SHISA9: variants seen among roughly 807,000 people sequenced by gnomAD.
SHISA9 encodes shisa family member 9.
A neutral mutation model predicts 38.0 loss-of-function variants in SHISA9; 13 were observed. The ratio of observed to expected loss-of-function variants is 0.34; its 90% CI spans 0.22 to 0.54. The LOEUF (loss-of-function observed/expected upper bound fraction) is 0.54. Ranked by LOEUF, SHISA9 falls within the 20% of genes least tolerant of loss-of-function variation. SHISA9 has a pLI of 0.91. For synonymous variants in SHISA9, 275 were observed against 242.0 expected (o/e 1.14, Z -1.27); for missense variants, 538 against 575.8 (o/e 0.93, Z 0.67).
chr16:13,335,283 G>A, the SHISA9 span, among the ~76,000 whole-genome samples: 75 of 152,316 alleles, frequency 4.9e-4, no homozygotes, highest in African/African-American at 1.8e-3. Context: ...GTTGAGAGGT[G>A]ACAGACACAG....
At chr16:13,463,673 T>C in the SHISA9 span, among the ~76,000 whole-genome samples, 1 of 152,230 alleles carries the variant, frequency 6.6e-6, no homozygotes, top group African/African-American at 2.4e-5. Context: ...GCAGATTCTT[T>C]ATTTCATCAT....
At chr16:13,368,279 A>G in the SHISA9 span, among the ~76,000 whole-genome samples, 3 of 152,138 alleles carry the variant, frequency 2.0e-5, no homozygotes, top group African/African-American at 7.2e-5. Flanking sequence ...GTGAGGTGAG[A>G]AAAGGGGGAT....
At chr16:13,417,107 A>T in the SHISA9 span, among the ~76,000 whole-genome samples, 2 of 152,186 alleles carry the variant, frequency 1.3e-5, no homozygotes, top group Non-Finnish European at 2.9e-5. Context: ...CACCTTTTGG[A>T]TGAATTGCTG....
intron 2 of SHISA9, among the ~76,000 whole-genome samples, chr16:12,997,530 G>A (rs1157709588): frequency 4.0e-5 from 6 of 150,410 alleles, no homozygotes; most frequent in Non-Finnish European, 5.9e-5. Context: ...CCTTAGCCTC[G>A]CCAGTAGCTG....
At chr16:13,309,951 G>A in the SHISA9 span, among the ~76,000 whole-genome samples, 19 of 152,014 alleles carry the variant, frequency 1.2e-4, no homozygotes, top group Non-Finnish European at 2.1e-4. Flanking sequence ...GCAATGGCAC[G>A]ATCTCGGCTC....
chr16:13,282,782 C>G, the SHISA9 span, among the ~76,000 whole-genome samples: 1 of 152,046 alleles, frequency 6.6e-6, no homozygotes, highest in African/African-American at 2.4e-5. Context: ...TTCTAAATTT[C>G]ACATATTGGA....
intron 2 of SHISA9, among the ~76,000 whole-genome samples, chr16:13,160,235 A>G (rs999737655): frequency 2.6e-5 from 4 of 152,124 alleles, no homozygotes; most frequent in Non-Finnish European, 5.9e-5. Flanking sequence ...ATGAAGGATT[A>G]ACATGGATAG....
chr16:13,486,827 C>G, the SHISA9 span, among the ~76,000 whole-genome samples: 2 of 152,210 alleles, frequency 1.3e-5, no homozygotes, highest in African/African-American at 2.4e-5. Context: ...GCCTCAGCCT[C>G]CAGAGTAACT....
chr16:12,914,277 C>G (rs577972258), intron 1 of SHISA9, among the ~76,000 whole-genome samples: 17 of 152,138 alleles, frequency 1.1e-4, no homozygotes, highest in African/African-American at 3.9e-4. Context: ...AACTCCTGAC[C>G]TCGTGATCTG....
At chr16:12,986,477 C>T (rs2072311220) in intron 2 of SHISA9, among the ~76,000 whole-genome samples, 1 of 152,006 alleles carries the variant, frequency 6.6e-6, no homozygotes, top group African/African-American at 2.4e-5. Flanking sequence ...TGGAAGTGTC[C>T]ATCTTGATTC....
At chr16:13,090,114 G>T (rs982304654) in intron 2 of SHISA9, among the ~76,000 whole-genome samples, 1 of 152,222 alleles carries the variant, frequency 6.6e-6, no homozygotes, top group East Asian at 1.9e-4. Flanking sequence ...GTGCAGTTTT[G>T]AGTGAGTTTC....
chr16:13,373,511 C>T, the SHISA9 span, among the ~76,000 whole-genome samples: 1 of 152,126 alleles, frequency 6.6e-6, no homozygotes, highest in African/African-American at 2.4e-5. Flanking sequence ...GCCTGTAATC[C>T]CAGCACTTTG....
At chr16:13,363,498 G>C in the SHISA9 span, among the ~76,000 whole-genome samples, 2 of 152,196 alleles carry the variant, frequency 1.3e-5, no homozygotes, top group Non-Finnish European at 2.9e-5. Context: ...GATGTCAGCA[G>C]CTGAACTGGG....
At chr16:13,555,862 G>A in the SHISA9 span, among the ~76,000 whole-genome samples, 129 of 152,272 alleles carry the variant, frequency 8.5e-4, 1 homozygote, top group South Asian at 0.021. Flanking sequence ...GTTTGGCCTG[G>A]GGAGGTAGGA....
intron 2 of SHISA9, among the ~76,000 whole-genome samples, chr16:13,144,531 A>C (rs540515250): frequency 6.6e-6 from 1 of 152,046 alleles, no homozygotes; most frequent in Non-Finnish European, 1.5e-5. Flanking sequence ...CTAGGTTCTG[A>C]GTTCTTTGGG....
intron 2 of SHISA9, among the ~76,000 whole-genome samples, chr16:13,154,557 C>G (rs1202177789): frequency 1.3e-5 from 2 of 152,108 alleles, no homozygotes; most frequent in East Asian, 1.9e-4. Flanking sequence ...AACAGAGACC[C>G]CAGGCAATGT....
chr16:13,013,238 C>T (rs1158610650), intron 2 of SHISA9, among the ~76,000 whole-genome samples: 6 of 152,190 alleles, frequency 3.9e-5, no homozygotes, highest in Admixed American at 6.5e-5. Flanking sequence ...ACCGGAATCA[C>T]GTCCTCTGCA....
intron 2 of SHISA9, among the ~76,000 whole-genome samples, chr16:13,054,176 G>C (rs149388341): frequency 6.6e-6 from 1 of 152,320 alleles, no homozygotes; most frequent in East Asian, 1.9e-4. Flanking sequence ...CTAGAACCAT[G>C]CCTGGCATTT....
chr16:13,337,522 T>C, the SHISA9 span, among the ~76,000 whole-genome samples: 75,581 of 152,114 alleles, frequency 0.5, 19,332 homozygotes, highest in East Asian at 0.8. Flanking sequence ...CAGACTAATA[T>C]GGTTACCATT....
Sources: allele counts gnomAD v4.1 joint callset (sites outside exome capture counted in the v4.1 genomes callset), GRCh38; gene constraint gnomAD v4.1.1; transcripts MANE v1.5; gene names NCBI Gene and HGNC (gene_info 2026-07-23, HGNC 2026-07-21).